Variants in KBTBD11 observed in about 807,000 individuals in gnomAD.
The protein encoded by KBTBD11 is kelch repeat and BTB domain-containing protein 11.
For missense variants in KBTBD11, 1,390 were observed against 1,001.8 expected (o/e 1.39, Z -5.23); for synonymous variants, 747 against 499.0 (o/e 1.50, Z -6.63).
At position 2,004,635 on chromosome 8, in the gene KBTBD11, C is replaced by A. The variant is rs768383345; in HGVS notation, c.*1571C>A. 15 of 166,942 alleles carry A rather than the reference C, an allele frequency of 9.0e-5. No homozygotes were observed. Among genetic ancestry groups the A allele is most frequent in the South Asian group, 2.1e-4 (1 of 4,824 alleles). 10.3% of individuals were successfully genotyped at this position (166,942 alleles called of 1,614,324 possible). A position where few individuals can be genotyped will look rare whatever the true frequency, so the allele number is the denominator to read the frequency against. On this transcript the variant is annotated 3_prime_UTR_variant, in exon 2 of 2. Coordinates refer to ENST00000320248, the MANE Select transcript of KBTBD11 (RefSeq NM_014867.3). Reference sequence around the variant, plus strand: ...TTGAACCTTATGCATGACTCGGGGGCTGGAATTTATGATCTGGGTTACGGT... The same window carrying A: ...TTGAACCTTATGCATGACTCGGGGGATGGAATTTATGATCTGGGTTACGGT...
Position 2,001,623 on chromosome 8 carries a change from T to G in KBTBD11, c.431T>G (p.Leu144Arg). ...GTGTACGGGGAGCCGGACCTGGTGC[T>G]GGAGGTGTCGGGGCGCCGGCTGCGC... ...GAVYGEPDLV[L>R]EVSGRRLRAH... The change falls in exon 2 of 2, where the codon CTG becomes CGG. Residue 144 changes from leucine (L) to arginine (R), a missense_variant. Leu to Arg is a moderately radical substitution (Grantham distance 102, BLOSUM62 -2). Coordinates refer to ENST00000320248, the MANE Select transcript of KBTBD11 (RefSeq NM_014867.3). 6.8e-7 allele frequency: 1 copy of G among 1,479,900 alleles called. No individual in the cohort carries two copies. The highest frequency in any genetic ancestry group is 8.9e-7 in the Non-Finnish European group (1 of 1,120,890). The allele number at this position is 1,479,900 out of a possible 1,614,324, so 91.7% of individuals were successfully genotyped here.
chr8:1,979,413 T>G (rs892796341), intron 1 of KBTBD11, among the ~76,000 whole-genome samples: 7 of 152,158 alleles, frequency 4.6e-5, no homozygotes, highest in African/African-American at 1.4e-4. Context: ...GCAGATCACT[T>G]GAGGTCAGGA....
In KBTBD11 at chr8:2,001,068, G is replaced by T. The variant is rs1585758767; in HGVS notation, c.-125G>T. On this transcript the variant is annotated 5_prime_UTR_variant, in exon 2 of 2. Transcript: ENST00000320248. Reference sequence around the variant, plus strand: ...AACAACAAAGCGTGGACACACAGAAGTGAAATCTGATCGCGTGCCAGGAAA... The same window carrying T: ...AACAACAAAGCGTGGACACACAGAATTGAAATCTGATCGCGTGCCAGGAAA... 1 of 1,220,122 alleles carries T rather than the reference G, an allele frequency of 8.2e-7. No individual in the cohort carries two copies. Among genetic ancestry groups the T allele is most frequent in the East Asian group, 3.2e-5 (1 of 31,510 alleles). 75.6% of individuals were successfully genotyped at this position (1,220,122 alleles called of 1,614,324 possible). A position where few individuals can be genotyped will look rare whatever the true frequency, so the allele number is the denominator to read the frequency against.
chr8:1,974,016 G>C, intron 1 of KBTBD11, 81 bp downstream of exon 1: 1 of 971,314 alleles, frequency 1.0e-6, no homozygotes, highest in South Asian at 4.7e-5. Flanking sequence ...CGGAGGGGGC[G>C]GCGGGTGGGA....
Position 2,001,746 on chromosome 8 carries a change from G to A in KBTBD11, c.554G>A (p.Arg185Gln), listed in dbSNP as rs1412206020. The change falls in exon 2 of 2, where the codon CGG becomes CAG. Residue 185 changes from arginine (R) to glutamine (Q), a missense_variant. Coordinates refer to ENST00000320248, the MANE Select transcript of KBTBD11 (RefSeq NM_014867.3). ...RVQGVSLTAL[R>Q]LLLADAYSGR... is the part of the protein sequence containing the mutation. ...CAGGGAGTGAGCCTGACGGCGCTGCGGCTGCTCCTCGCCGACGCCTACAGC... is the reference window on the plus strand; with the variant it reads ...CAGGGAGTGAGCCTGACGGCGCTGCAGCTGCTCCTCGCCGACGCCTACAGC... 1.5e-6 allele frequency: 2 copies of A among 1,331,628 alleles called. No individual in the cohort carries two copies. Among genetic ancestry groups the A allele is most frequent in the African/African-American group, 1.5e-5 (1 of 64,952 alleles). 82.5% of individuals were successfully genotyped at this position (1,331,628 alleles called of 1,614,324 possible).
intron 1 of KBTBD11, among the ~76,000 whole-genome samples, chr8:1,977,610 G>A (rs1816392481): frequency 1.3e-5 from 2 of 152,084 alleles, no homozygotes; most frequent in Non-Finnish European, 1.5e-5. Context: ...GGCAACCTCC[G>A]CCTCCAGGGT....
chr8:2,002,577 C>T lies in KBTBD11; in HGVS notation c.1385C>T (p.Ser462Phe). The change falls in exon 2 of 2, where the codon TCC becomes TTC. Residue 462 changes from serine (S) to phenylalanine (F), a missense_variant. By Grantham distance (155) the Ser-to-Phe change is radical. Transcript: ENST00000320248. This position sits in a 1 kb window ranked among gnomAD's most constrained non-coding sequence, Gnocchi z 4.1. ...ACCTGCCACGGCGAGATCTACGTGT[C>T]CGGGGGCTCCCTCTTCTATCGCCTG... ...ATTCHGEIYV[S>F]GGSLFYRLLK... The T allele has an allele frequency of 1.9e-6, 3 of 1,582,182 alleles. No homozygotes were observed. The highest frequency in any genetic ancestry group is 2.6e-6 in the Non-Finnish European group (3 of 1,173,240).
At chr8:1,979,807 T>C (rs542653518) in intron 1 of KBTBD11, among the ~76,000 whole-genome samples, 7 of 152,370 alleles carry the variant, frequency 4.6e-5, no homozygotes, top group African/African-American at 1.7e-4. Context: ...TGGGTGCAGG[T>C]TGGCAGCCTC....
Position 1,981,056 on chromosome 8 carries a change from T to C in KBTBD11, c.-909+7121T>C, listed in dbSNP as rs1052085287. Among the ~76,000 whole-genome samples the C allele has an allele frequency of 1.2e-4, 18 of 152,316 alleles. 1 individual carries two copies. The South Asian group carries it at 2.9e-3, about 25-fold the overall frequency. ...TGGTTTCTAATTTTAGCGCCAACACTAATTGGCTGTGTGACCCTGAGCCTG... is the reference window on the plus strand; with the variant it reads ...TGGTTTCTAATTTTAGCGCCAACACCAATTGGCTGTGTGACCCTGAGCCTG... On this transcript the variant is annotated intron_variant, in intron 1 of 1. Transcript: ENST00000320248.
At position 2,003,070 on chromosome 8, in the gene KBTBD11, CG is replaced by C. The variant is rs746470413; in HGVS notation, c.*10del. On this transcript the variant is annotated 3_prime_UTR_variant, in exon 2 of 2. Coordinates refer to ENST00000320248, the MANE Select transcript of KBTBD11 (RefSeq NM_014867.3). The stretch of plus-strand genomic sequence containing the variant: ...GGGAGCAGGGCGCCCCGTAGGCCGG[CG>C]GGGTCGGCGGGCGTCTCCCTCGGCA... 874 of 1,256,900 alleles carry C rather than the reference CG, an allele frequency of 7.0e-4. 1 individual carries two copies. The highest frequency in any genetic ancestry group is 1.1e-3 in the Admixed American group (27 of 23,746). The allele number at this position is 1,256,900 out of a possible 1,614,324, so 77.9% of individuals were successfully genotyped here.
At chr8:1,988,784 C>G (rs1020920130) in intron 1 of KBTBD11, among the ~76,000 whole-genome samples, 1 of 152,022 alleles carries the variant, frequency 6.6e-6, no homozygotes, top group African/African-American at 2.4e-5. Context: ...ATTTTAGTAG[C>G]TGGCGCGCTG....
At chr8:1,977,082 G>GTT (rs35601452) in intron 1 of KBTBD11, among the ~76,000 whole-genome samples, 21 of 145,442 alleles carry the variant, frequency 1.4e-4, no homozygotes, top group South Asian at 2.2e-4. Context: ...AACATTATGA[G>GTT]TTTTTTTTTT....
At position 2,006,071 on chromosome 8, in the gene KBTBD11, G is replaced by T. The variant is rs7460119; in HGVS notation, c.*3007G>T. On this transcript the variant is annotated 3_prime_UTR_variant, in exon 2 of 2. Coordinates refer to ENST00000320248, the MANE Select transcript of KBTBD11 (RefSeq NM_014867.3). The stretch of plus-strand genomic sequence containing the variant: ...TGAGTCTGTGGAGGCACCGACTTCT[G>T]CTGTAAGAAAATGAATGTTGTGGAA... 1 of 167,092 alleles carries T rather than the reference G, an allele frequency of 6.0e-6. No individual in the cohort carries two copies. The highest frequency in any genetic ancestry group is 1.5e-5 in the Non-Finnish European group (1 of 68,134). The allele number at this position is 167,092 out of a possible 1,614,324, so 10.4% of individuals were successfully genotyped here. A position where few individuals can be genotyped will look rare whatever the true frequency, so the allele number is the denominator to read the frequency against.
chr8:1,982,634 A>C (rs1418870251), intron 1 of KBTBD11, among the ~76,000 whole-genome samples: 2 of 152,218 alleles, frequency 1.3e-5, no homozygotes, highest in Non-Finnish European at 2.9e-5. Context: ...ATCCACTTCA[A>C]GTTAAAACTG....
At chr8:1,999,893 AAGG>A (rs1290193199) in intron 1 of KBTBD11, among the ~76,000 whole-genome samples, 1 of 152,218 alleles carries the variant, frequency 6.6e-6, no homozygotes, top group East Asian at 1.9e-4. Flanking sequence ...TTCTCACTAA[AAGG>A]AGTTCTTCAT....
chr8:1,993,342 T>C (rs1302623966), intron 1 of KBTBD11, among the ~76,000 whole-genome samples: 1 of 151,764 alleles, frequency 6.6e-6, no homozygotes, highest in Non-Finnish European at 1.5e-5. Context: ...GTCGCCCATC[T>C]TTCTGTCCAT....
intron 1 of KBTBD11, among the ~76,000 whole-genome samples, chr8:1,978,254 T>C (rs919645739): frequency 2.0e-5 from 3 of 152,250 alleles, no homozygotes; most frequent in Non-Finnish European, 4.4e-5. Context: ...GTGTTTGGTT[T>C]TCTGTTCCTG....
intron 1 of KBTBD11, 109 bp from the exon 2 acceptor site, chr8:2,000,176 T>C (rs1288162664): frequency 6.6e-6 from 1 of 152,196 alleles, no homozygotes; most frequent in African/African-American, 2.4e-5. Flanking sequence ...CAACCAAAAC[T>C]GAATTCTATA....
chr8:1,978,113 G>C (rs1476290358), intron 1 of KBTBD11, among the ~76,000 whole-genome samples: 1 of 152,178 alleles, frequency 6.6e-6, no homozygotes, highest in Non-Finnish European at 1.5e-5. Flanking sequence ...TAGGTATTAA[G>C]CCCAGCAGGC....
Sources: gnomAD v4.1 joint callset for allele counts (sites outside exome capture counted in the v4.1 genomes callset) on GRCh38, gnomAD v4.1.1 for gene constraint, Gnocchi (gnomAD v3.1) non-coding constraint, MANE v1.5 for transcripts, NCBI Gene and HGNC (gene_info 2026-07-23, HGNC 2026-07-21) for gene names.